The following ACTN2 variants were observed in gnomAD, a reference collection of about 807,000 sequenced individuals.
ACTN2 encodes alpha-actinin-2.
ACTN2 carries 39 observed loss-of-function variants against 113.8 expected under a neutral mutation model. That is an observed-to-expected ratio of 0.34 (90% confidence interval 0.27 to 0.45). ACTN2 has a LOEUF of 0.45. ACTN2 is among the 20% of genes least tolerant of loss of function. The pLI, the probability that ACTN2 is intolerant of heterozygous loss-of-function variation, is 1.00. For synonymous variants in ACTN2, 429 were observed against 444.1 expected, an observed-to-expected ratio of 0.97 and a Z score of 0.43; for missense variants, 992 against 1,177.9, an observed-to-expected ratio of 0.84 and a Z score of 2.31.
At chr1:236,755,659 G>A (rs1382466811) in intron 17 of ACTN2, among the ~76,000 whole-genome samples, 10 of 142,518 alleles carry the variant, frequency 7.0e-5, no homozygotes, top group African/African-American at 1.0e-4. Context: ...CACTGCCACC[G>A]TTAGAACCCT....
At chr1:236,744,509 C>T in intron 11 of ACTN2, 117 bp from the exon 12 acceptor site, 1 of 1,278,424 alleles carries the variant, frequency 7.8e-7, no homozygotes, top group East Asian at 2.5e-5. Context: ...AGTCCTGCCC[C>T]TCTCTGTCCC....
At position 236,755,197 on chromosome 1, in the gene ACTN2, A is replaced by T; in HGVS notation, c.2153A>T (p.Glu718Val). The T allele has an allele frequency of 6.2e-7, 1 of 1,614,114 alleles. No homozygotes were observed. The highest frequency in any genetic ancestry group is 8.5e-7 in the Non-Finnish European group (1 of 1,180,040). The change falls in exon 17 of 21, where the codon GAG (glutamate) becomes GTG (valine). Residue 718 changes from glutamate to valine, a missense_variant and splice_region_variant. By Grantham distance (121) the Glu-to-Val change is moderately radical. Coordinates refer to ENST00000366578, the MANE Select transcript of ACTN2 (RefSeq NM_001103.4). The part of the protein sequence containing the change: ...FDNKHTNYTM[E>V]HIRVGWELLL... ...AACAAGCACACGAACTACACGATGG[A>T]GGTACGGCAGCCAGACAGGCGTGTG... is the stretch of plus-strand genomic sequence containing the variant.
chr1:236,729,356 A>G (rs1658651608), intron 6 of ACTN2, among the ~76,000 whole-genome samples: 1 of 152,096 alleles, frequency 6.6e-6, no homozygotes, highest in Non-Finnish European at 1.5e-5. Flanking sequence ...ATGGTGTGTA[A>G]AGACTTAAGG....
At chr1:236,741,195 C>A (rs1379071795) in intron 10 of ACTN2, among the ~76,000 whole-genome samples, 3 of 152,148 alleles carry the variant, frequency 2.0e-5, no homozygotes, top group African/African-American at 4.8e-5. Context: ...CACGCACATC[C>A]CACCATGCCT....
intron 18 of ACTN2, among the ~76,000 whole-genome samples, chr1:236,758,252 G>A (rs996104563): frequency 1.3e-5 from 2 of 151,282 alleles, no homozygotes; most frequent in Non-Finnish European, 2.9e-5. Context: ...CCTGTGGCTG[G>A]AAGTGAGTGA....
At chr1:236,750,239 T>C (rs974428016) in intron 14 of ACTN2, among the ~76,000 whole-genome samples, 1 of 152,116 alleles carries the variant, frequency 6.6e-6, no homozygotes, top group Non-Finnish European at 1.5e-5. Context: ...AGATATGTCA[T>C]CAAAAAGAAT....
intron 1 of ACTN2, among the ~76,000 whole-genome samples, chr1:236,706,210 A>C (rs1657820139): frequency 6.6e-6 from 1 of 152,158 alleles, no homozygotes; most frequent in Non-Finnish European, 1.5e-5. Context: ...AAAACCTGGA[A>C]CTTGAGCAGA....
intron 1 of ACTN2, among the ~76,000 whole-genome samples, chr1:236,709,269 C>G (rs1291438395): frequency 3.1e-5 from 4 of 127,906 alleles, no homozygotes; most frequent in Admixed American, 8.4e-5. Flanking sequence ...CACACACACA[C>G]ACATATATAT....
intron 4 of ACTN2, among the ~76,000 whole-genome samples, chr1:236,722,811 G>A (rs180865202): frequency 6.6e-6 from 1 of 152,124 alleles, no homozygotes; most frequent in African/African-American, 2.4e-5. Flanking sequence ...AGGGTTTTGT[G>A]TGTGGACCTG....
intron 12 of ACTN2, among the ~76,000 whole-genome samples, chr1:236,746,115 G>T (rs1487697261): frequency 2.9e-5 from 4 of 138,918 alleles, no homozygotes; most frequent in African/African-American, 8.2e-5. Context: ...GCAGTGAGCC[G>T]AGATCAGGCC....
At chr1:236,746,706 CAAA>C (rs59603231) in intron 12 of ACTN2, among the ~76,000 whole-genome samples, 4 of 119,704 alleles carry the variant, frequency 3.3e-5, no homozygotes, top group Admixed American at 8.5e-5. Flanking sequence ...GACCCTGTCT[CAAA>C]AAAAAAAAAA....
rs1316300149 is a variant in ACTN2, at chr1:236,763,127, A to G, written c.*508A>G. 1 of 171,078 alleles carries G rather than the reference A, an allele frequency of 5.8e-6. No homozygotes were observed. Among genetic ancestry groups the G allele is most frequent in the Non-Finnish European group, 1.3e-5 (1 of 78,610 alleles). 10.6% of individuals were successfully genotyped at this position (171,078 alleles called of 1,614,324 possible). ...TTTTCATGCTTATCCAAAGATTACT[A>G]TTGTATCTTCAAATGAATTTAATAT... On this transcript the variant is annotated 3_prime_UTR_variant, in exon 21 of 21. Coordinates refer to ENST00000366578, the MANE Select transcript of ACTN2 (RefSeq NM_001103.4).
At chr1:236,723,783 T>C (rs1185583534) in intron 4 of ACTN2, among the ~76,000 whole-genome samples, 7 of 152,076 alleles carry the variant, frequency 4.6e-5, no homozygotes, top group Admixed American at 2.6e-4. Flanking sequence ...AGATAAATAA[T>C]TACAAAATTA....
At chr1:236,759,913 G>T in intron 19 of ACTN2, 124 bp downstream of exon 19, 2 of 865,356 alleles carry the variant, frequency 2.3e-6, no homozygotes, top group South Asian at 2.8e-5. Flanking sequence ...CATTATATAG[G>T]ATAATATTTT....
chr1:236,761,262 T>C (rs1572152241), intron 20 of ACTN2, 89 bp downstream of exon 20: 1 of 1,482,986 alleles, frequency 6.7e-7, no homozygotes, highest in African/African-American at 1.4e-5. Context: ...ATAAAAACCA[T>C]TTTTATGCCG....
At chr1:236,743,801 G>T (rs1659144806) in intron 11 of ACTN2, among the ~76,000 whole-genome samples, 2 of 152,188 alleles carry the variant, frequency 1.3e-5, no homozygotes, top group African/African-American at 4.8e-5. Context: ...ATGCATAGCA[G>T]CTGTGTGCCC....
chr1:236,751,627 A>G lies in ACTN2; in HGVS notation c.1814A>G (p.Asp605Gly), dbSNP rs1659399290. ...AACCCGTACAGCACTGTCACCATGG[A>G]TGAGCTCCGGACCAAGTGGGACAAG... ...SSNPYSTVTMDELRTKWDKVK... is the reference protein window; with the variant it reads ...SSNPYSTVTMGELRTKWDKVK... Residue 605 changes from aspartate to glycine, a missense_variant, in exon 15 of 21, where the codon GAT becomes GGT. Asp to Gly is a moderately conservative substitution (Grantham distance 94). Around this residue, in one of 3 missense-constraint regions of ACTN2, gnomAD observed 736 missense variants for 815.4 expected, o/e 0.90. Coordinates refer to ENST00000366578, the MANE Select transcript of ACTN2 (RefSeq NM_001103.4). 8 of 1,613,924 alleles carry G rather than the reference A, an allele frequency of 5.0e-6. No homozygotes were observed. Among genetic ancestry groups the G allele is most frequent in the Non-Finnish European group, 6.8e-6 (8 of 1,179,872 alleles).
intron 10 of ACTN2, 114 bp downstream of exon 10, chr1:236,739,646 T>A (rs1262457178): frequency 1.6e-6 from 2 of 1,279,448 alleles, no homozygotes; most frequent in East Asian, 5.0e-5. Flanking sequence ...TTTAGTTGTG[T>A]GAATATCATT....
chr1:236,719,140 T>C lies in ACTN2; in HGVS notation c.361+127T>C, dbSNP rs965620689. Reference sequence around the variant, plus strand: ...ACTGTACCTGCCTTGTATCAGGCTCTCTCTTAGGGCGCTCGGTGCACAAAG... The same window carrying C: ...ACTGTACCTGCCTTGTATCAGGCTCCCTCTTAGGGCGCTCGGTGCACAAAG... On this transcript the variant is annotated intron_variant, in intron 3 of 20. Transcript: ENST00000366578. 27 of 1,327,368 alleles carry C rather than the reference T, an allele frequency of 2.0e-5. No homozygotes were observed. The African/African-American group carries it at 2.0e-4, about 10-fold the overall frequency. The allele number at this position is 1,327,368 out of a possible 1,614,324, so 82.2% of individuals were successfully genotyped here.
Sources: gnomAD v4.1 joint callset for allele counts (sites outside exome capture counted in the v4.1 genomes callset) on GRCh38, gnomAD v4.1.1 for gene constraint, gnomAD v4.1.1 regional missense constraint, MANE v1.5 for transcripts, NCBI Gene and HGNC (gene_info 2026-07-23, HGNC 2026-07-21) for gene names.